Variants in OR9Q1 observed in about 807,000 individuals in gnomAD.
The protein encoded by OR9Q1 is olfactory receptor family 9 subfamily Q member 1, also known as olfactory receptor 9Q1.
For synonymous variants in OR9Q1, 153 were observed against 148.6 expected, an observed-to-expected ratio of 1.03 and a Z score of -0.22; for missense variants, 374 against 378.8, an observed-to-expected ratio of 0.99 and a Z score of 0.11.
At chr11:58,060,779 T>C (rs1304213678) in intron 2 of OR9Q1, among the ~76,000 whole-genome samples, 2 of 138,392 alleles carry the variant, frequency 1.4e-5, no homozygotes, top group African/African-American at 5.6e-5. Context: ...GAAAGAGTCA[T>C]GAAATTAAGA....
chr11:58,173,828 C>T (rs1590626906), intron 2 of OR9Q1, among the ~76,000 whole-genome samples: 2 of 152,118 alleles, frequency 1.3e-5, no homozygotes. Context: ...TCTGCCTGTT[C>T]ACCAATACAT....
Position 58,181,440 on chromosome 11 carries a change from AG to A in OR9Q1, c.*1067del, listed in dbSNP as rs367555217. 2.5e-3 allele frequency: 414 copies of A among 167,116 alleles called. No homozygotes were observed. Among genetic ancestry groups the A allele is most frequent in the Non-Finnish European group, 4.6e-3 (315 of 68,134 alleles). The allele number at this position is 167,116 out of a possible 1,614,324, so 10.4% of individuals were successfully genotyped here. A position where few individuals can be genotyped will look rare whatever the true frequency, so the allele number is the denominator to read the frequency against. On this transcript the variant is annotated 3_prime_UTR_variant, in exon 3 of 3. Transcript: ENST00000335397. Reference sequence around the variant, plus strand: ...TCTTAATCTTTACTTCTCTAATCACAGGGGACTTGTCTCAATCAAACCCAAG... The same window carrying A: ...TCTTAATCTTTACTTCTCTAATCACAGGGACTTGTCTCAATCAAACCCAAG...
At chr11:58,168,051 A>G (rs1349480) in intron 2 of OR9Q1, among the ~76,000 whole-genome samples, 63,389 of 152,076 alleles carry the variant, frequency 0.42, 13,461 homozygotes, top group Admixed American at 0.46. Flanking sequence ...CATTGGCAAA[A>G]ATCTCCTTGA....
intron 2 of OR9Q1, among the ~76,000 whole-genome samples, chr11:58,161,526 T>C (rs1854457583): frequency 6.6e-6 from 1 of 150,776 alleles, no homozygotes. Flanking sequence ...TCCTTTTGTT[T>C]TTGTTTTGCT....
At chr11:58,124,361 A>AGG (rs1030896906) in intron 2 of OR9Q1, 6 of 152,186 alleles carry the variant, frequency 3.9e-5, no homozygotes, top group Admixed American at 2.6e-4. Flanking sequence ...TGACCTCTGG[A>AGG]GGGGATAGGG....
At chr11:58,121,264 A>G (rs1333429009) in intron 2 of OR9Q1, among the ~76,000 whole-genome samples, 2 of 152,162 alleles carry the variant, frequency 1.3e-5, no homozygotes, top group Non-Finnish European at 2.9e-5. Flanking sequence ...CTGTTGCCAT[A>G]TGGTACAGAT....
chr11:58,062,123 G>A (rs1545459), intron 2 of OR9Q1, among the ~76,000 whole-genome samples: 101,525 of 152,078 alleles, frequency 0.67, 34,328 homozygotes, highest in Middle Eastern at 0.79. Context: ...AACTTTCAAC[G>A]TGACCAACAT....
chr11:58,028,829 T>C (rs962781827), intron 1 of OR9Q1, among the ~76,000 whole-genome samples: 1 of 152,198 alleles, frequency 6.6e-6, no homozygotes, highest in African/African-American at 2.4e-5. Context: ...TGGACTTGTT[T>C]ATTTCTGATT....
intron 1 of OR9Q1, among the ~76,000 whole-genome samples, chr11:58,032,564 A>G (rs143772453): frequency 0.026 from 4,024 of 152,348 alleles, 70 homozygotes; most frequent in East Asian, 0.06. Flanking sequence ...GGCTAGCCAT[A>G]TGCAGAAGAC....
intron 2 of OR9Q1, among the ~76,000 whole-genome samples, chr11:58,170,563 A>G (rs935946732): frequency 2.6e-5 from 4 of 152,186 alleles, no homozygotes; most frequent in African/African-American, 7.2e-5. Flanking sequence ...CCCCACCCAT[A>G]TCTCATCTTG....
chr11:58,174,061 G>A (rs1234684213), intron 2 of OR9Q1, among the ~76,000 whole-genome samples: 1 of 152,104 alleles, frequency 6.6e-6, no homozygotes, highest in African/African-American at 2.4e-5. Flanking sequence ...ATGGACAATA[G>A]GAATATTGGA....
intron 2 of OR9Q1, chr11:58,108,727 G>C (rs1317540382): frequency 4.5e-6 from 1 of 220,420 alleles, no homozygotes; most frequent in African/African-American, 2.3e-5. Context: ...AGCTACATTC[G>C]TTGGAAATTG....
At chr11:58,108,867 G>T (rs1853868228) in intron 2 of OR9Q1, 1 of 356,064 alleles carries the variant, frequency 2.8e-6, no homozygotes, top group South Asian at 2.2e-5. Flanking sequence ...CTGAGGATTT[G>T]GCGGAGTTAC....
At chr11:58,053,632 A>ATATATATATTATATATATATAAAT (rs59731680) in intron 1 of OR9Q1, among the ~76,000 whole-genome samples, 1 of 118,684 alleles carries the variant, frequency 8.4e-6, no homozygotes, top group Non-Finnish European at 1.8e-5. Flanking sequence ...TATATAAAAT[A>ATATATATATTATATATATATAAAT]TATATATATA....
At chr11:58,088,938 A>G (rs1853658667) in intron 2 of OR9Q1, among the ~76,000 whole-genome samples, 1 of 151,594 alleles carries the variant, frequency 6.6e-6, no homozygotes, top group South Asian at 2.1e-4. Flanking sequence ...ATGCAATGTC[A>G]TGATCTTGGC....
rs1050482901 is a variant in OR9Q1 at position 58,173,349 on chromosome 11, G to A, written c.-14-6082G>A. 7.9e-4 allele frequency among the ~76,000 whole-genome samples: 106 copies of A among 133,334 alleles called. 1 individual carries two copies. The highest frequency in any genetic ancestry group is 9.1e-4 in the Admixed American group (10 of 11,010). The allele number at this position is 133,334 out of a possible 152,430, so 87.5% of individuals were successfully genotyped here. A position where few individuals can be genotyped will look rare whatever the true frequency, so the allele number is the denominator to read the frequency against. The stretch of plus-strand genomic sequence containing the variant: ...CCCCTTCCTGTGTCCATGTGTTCTC[G>A]TTGTTCAATTCCCACCTATGAGTGA... On this transcript the variant is annotated intron_variant, in intron 2 of 2. Coordinates refer to ENST00000335397, the MANE Select transcript of OR9Q1 (RefSeq NM_001005212.4).
At chr11:58,041,223 A>T (rs1443611519) in intron 1 of OR9Q1, 1 of 152,636 alleles carries the variant, frequency 6.6e-6, no homozygotes, top group African/African-American at 2.4e-5. Flanking sequence ...TGGGTCAGGG[A>T]ACAGTGAGGA....
At chr11:58,034,797 C>CCTTCCTTCCTTCCTTCCTTCCTTCCTT (rs1853083132) in intron 1 of OR9Q1, among the ~76,000 whole-genome samples, 1 of 103,264 alleles carries the variant, frequency 9.7e-6, no homozygotes, top group Non-Finnish European at 1.8e-5. Context: ...TTTCTCCCTT[C>CCTTCCTTCCTTCCTTCCTTCCTTCCTT]CTTCCTTCCT....
At chr11:58,114,221 A>C (rs994161204) in intron 2 of OR9Q1, among the ~76,000 whole-genome samples, 9 of 152,148 alleles carry the variant, frequency 5.9e-5, no homozygotes, top group Admixed American at 2.0e-4. Flanking sequence ...TTATTTCCCA[A>C]ACAACCCAAT....
Sources: allele counts gnomAD v4.1 joint callset (sites outside exome capture counted in the v4.1 genomes callset), GRCh38; gene constraint gnomAD v4.1.1; transcripts MANE v1.5; gene names NCBI Gene and HGNC (gene_info 2026-07-23, HGNC 2026-07-21).